The following CDCA7 variants were observed in gnomAD, a reference collection of about 807,000 sequenced individuals.
CDCA7 encodes cell division cycle associated 7, also known as cell division cycle-associated protein 7.
In CDCA7, 28 loss-of-function variants were observed where a neutral mutation model predicts 54.0. The observed-to-expected ratio is 0.52, with a 90% CI of 0.38 to 0.71. The LOEUF is 0.71. Among genes scored for constraint, CDCA7 ranks in the 30% least tolerant of loss-of-function variants. The probability of loss-of-function intolerance (pLI) is 0.00; values close to 1 mark genes in which losing one functional copy is unlikely to be tolerated. For synonymous variants in CDCA7, 180 were observed against 208.2 expected (o/e 0.86, Z 1.16); for missense variants, 484 against 586.0 (o/e 0.83, Z 1.80).
At chr2:173,365,621 T>C in intron 7 of CDCA7, 29 bp downstream of exon 7, 1 of 1,609,236 alleles carries the variant, frequency 6.2e-7, no homozygotes, top group East Asian at 2.2e-5. Flanking sequence ...CACCTGAGAA[T>C]GTAAACATCT....
Position 173,359,420 on chromosome 2 carries a change from G to A in CDCA7, c.313G>A (p.Gly105Ser), listed in dbSNP as rs764154809. The change falls in exon 3 of 10, where the codon GGT becomes AGT. Residue 105 changes from glycine (G) to serine (S), a missense_variant. Gly to Ser is a moderately conservative substitution (Grantham distance 56). Coordinates refer to ENST00000306721, the MANE Select transcript of CDCA7 (RefSeq NM_031942.5). ...PRPDVTNELAGIFHADSDDES... is the reference protein window; with the variant it reads ...PRPDVTNELASIFHADSDDES... ...GCCAGATGTCACTAACGAACTGGCC[G>A]GTATTTTTCATGCCGACTCTGACGA... 38 of 1,614,086 alleles carry A rather than the reference G, an allele frequency of 2.4e-5. 1 individual carries two copies. The South Asian group carries it at 3.0e-4, about 13-fold the overall frequency.
chr2:173,363,782 A>C (rs1686667509), intron 4 of CDCA7, 36 bp from the exon 5 acceptor site: 1 of 1,595,266 alleles, frequency 6.3e-7, no homozygotes, highest in African/African-American at 1.3e-5. Flanking sequence ...AGTTATTCTA[A>C]GCCAATGATA....
At chr2:173,356,853 G>A (rs938017184) in intron 1 of CDCA7, among the ~76,000 whole-genome samples, 1 of 152,156 alleles carries the variant, frequency 6.6e-6, no homozygotes, top group South Asian at 2.1e-4. Flanking sequence ...ACGTTGTCCT[G>A]CCTTGTTAAG....
Position 173,366,886 on chromosome 2 carries a change from A to T in CDCA7, c.1186-264A>T, listed in dbSNP as rs892285069. On this transcript the variant is annotated intron_variant, in intron 8 of 9. Transcript: ENST00000306721. The surrounding 1 kb of genome is among the most constrained non-coding windows in gnomAD (Gnocchi z 4.5). ...TCAGAACACAAATGAATTCAGAGGG[A>T]TGGTGCTGCATAGGCATGAGCCGCT... 6.6e-6 allele frequency among the ~76,000 whole-genome samples: 1 copy of T among 152,112 alleles called. No homozygotes were observed. Among genetic ancestry groups the T allele is most frequent in the Non-Finnish European group, 1.5e-5 (1 of 68,012 alleles).
At chr2:173,363,712 A>G in intron 4 of CDCA7, 106 bp from the exon 5 acceptor site, 1 of 1,169,138 alleles carries the variant, frequency 8.6e-7, no homozygotes, top group Non-Finnish European at 1.3e-6. Flanking sequence ...GCTTACTATC[A>G]AATATAAAAC....
chr2:173,355,461 G>A (rs553466015), intron 1 of CDCA7, among the ~76,000 whole-genome samples: 6 of 152,340 alleles, frequency 3.9e-5, no homozygotes, highest in African/African-American at 7.2e-5. Context: ...CACCCCGCCC[G>A]GCAAGAGACG....
intron 7 of CDCA7, 36 bp downstream of exon 7, chr2:173,365,628 A>G (rs1686705723): frequency 1.2e-6 from 2 of 1,606,726 alleles, no homozygotes; most frequent in African/African-American, 2.7e-5. Context: ...GAATGTAAAC[A>G]TCTGTGAGAG....
At chr2:173,355,619 G>C (rs945771241) in intron 1 of CDCA7, among the ~76,000 whole-genome samples, 3 of 152,196 alleles carry the variant, frequency 2.0e-5, no homozygotes, top group Non-Finnish European at 4.4e-5. Flanking sequence ...GTGGGTCAAA[G>C]CGTTCGCCGA....
In CDCA7 at chr2:173,363,352, C is replaced by T. The variant is rs780814022; in HGVS notation, c.511C>T (p.Arg171Cys). 2.4e-5 allele frequency: 39 copies of T among 1,613,950 alleles called. No homozygotes were observed. In the East Asian group the frequency reaches 5.8e-4, roughly 24 times the overall value. The change falls in exon 4 of 10, where the codon CGC becomes TGC. Residue 171 changes from arginine (R) to cysteine (C), a missense_variant. Transcript: ENST00000306721. ...RGATNKKAESRQPSENSVTDS... is the reference protein window; with the variant it reads ...RGATNKKAESCQPSENSVTDS... ...AGCAACCAACAAAAAAGCAGAGTCC[C>T]GCCAGCCCTCAGAGAATTCTGTGAC...
chr2:173,360,282 G>C (rs1290234205), intron 3 of CDCA7, among the ~76,000 whole-genome samples: 1 of 152,158 alleles, frequency 6.6e-6, no homozygotes, highest in Non-Finnish European at 1.5e-5. Context: ...GTTGCAGGGG[G>C]TCCAGTCTGC....
intron 5 of CDCA7, 105 bp from the exon 6 acceptor site, chr2:173,364,690 G>A (rs1686685507): frequency 6.8e-7 from 1 of 1,470,410 alleles, no homozygotes; most frequent in African/African-American, 1.5e-5. Flanking sequence ...AAAAAATAGA[G>A]CTCTCTTTAC....
chr2:173,362,014 A>G (rs1344079941), intron 3 of CDCA7, among the ~76,000 whole-genome samples: 1 of 151,232 alleles, frequency 6.6e-6, no homozygotes, highest in Non-Finnish European at 1.5e-5. Flanking sequence ...ACGGGATTTC[A>G]CCATGTTGGC....
intron 1 of CDCA7, 82 bp downstream of exon 1, chr2:173,355,066 C>T (rs1686468869): frequency 1.4e-5 from 18 of 1,257,180 alleles, no homozygotes; most frequent in Middle Eastern, 2.8e-4. Flanking sequence ...CTCTCCAACT[C>T]CGCAGCCTAG....
intron 7 of CDCA7, among the ~76,000 whole-genome samples, chr2:173,365,920 G>A (rs922666886): frequency 6.6e-6 from 1 of 152,206 alleles, no homozygotes; most frequent in Non-Finnish European, 1.5e-5. Context: ...AAAGATAAAA[G>A]TGGATTTGGG....
chr2:173,359,586 T>A, intron 3 of CDCA7, 95 bp downstream of exon 3: 1 of 1,117,224 alleles, frequency 9.0e-7, no homozygotes, highest in Non-Finnish European at 1.3e-6. Flanking sequence ...TTGATTTTAG[T>A]CATGCCAGCA....
At chr2:173,365,097 T>C (rs1686695874) in intron 6 of CDCA7, 108 bp downstream of exon 6, 1 of 1,403,900 alleles carries the variant, frequency 7.1e-7, no homozygotes, top group Admixed American at 3.3e-5. Flanking sequence ...CGATCCATAG[T>C]AAATGTTTTC....
Position 173,363,847 on chromosome 2 carries a change from C to T in CDCA7, c.651C>T (p.Ser217=), listed in dbSNP as rs1294072838. 7 of 1,614,118 alleles carry T rather than the reference C, an allele frequency of 4.3e-6. No individual in the cohort carries two copies. The highest frequency in any genetic ancestry group is 4.5e-5 in the East Asian group (2 of 44,900). ...MLAKLMSELE[S]FPGSFRGRHP... is the part of the protein sequence containing the mutation. ...CAAAACTCATGTCTGAATTAGAAAG[C>T]TTCCCTGGCTCGTTCCGTGGAAGAC... The change falls in exon 5 of 10, where the codon AGC becomes AGT. Residue 217 remains serine (S), a synonymous_variant. Transcript: ENST00000306721.
intron 1 of CDCA7, among the ~76,000 whole-genome samples, chr2:173,357,372 C>T (rs1024975479): frequency 2.0e-5 from 3 of 152,198 alleles, no homozygotes; most frequent in African/African-American, 7.2e-5. Context: ...GAATGACAGC[C>T]TCAAGTAATA....
rs374406837 is a variant in CDCA7, at chr2:173,367,164, G to C, written c.1200G>C (p.Pro400=). 1 of 1,594,546 alleles carries C rather than the reference G, an allele frequency of 6.3e-7. No individual in the cohort carries two copies. Among genetic ancestry groups the C allele is most frequent in the African/African-American group, 1.4e-5 (1 of 73,936 alleles). ...DALLDPNWHC[P]PCRGICNCSF... ...TCCTCCTTCAGAACTGGCATTGCCCGCCTTGTCGAGGAATCTGCAACTGCA... is the reference window on the plus strand; with the variant it reads ...TCCTCCTTCAGAACTGGCATTGCCCCCCTTGTCGAGGAATCTGCAACTGCA... Residue 400 remains proline, a synonymous_variant, in exon 9 of 10, where the codon CCG becomes CCC. Transcript: ENST00000306721.
Sources: gnomAD v4.1 joint callset for allele counts (sites outside exome capture counted in the v4.1 genomes callset) on GRCh38, gnomAD v4.1.1 for gene constraint, Gnocchi (gnomAD v3.1) non-coding constraint, MANE v1.5 for transcripts, NCBI Gene and HGNC (gene_info 2026-07-23, HGNC 2026-07-21) for gene names.